The following LRBA variants were observed in gnomAD, a reference collection of about 807,000 sequenced individuals.
LRBA encodes LPS responsive beige-like anchor protein.
A neutral mutation model predicts 330.0 loss-of-function variants in LRBA; 176 were observed. That is an observed-to-expected ratio of 0.53 (90% CI 0.47 to 0.60). The LOEUF (loss-of-function observed/expected upper bound fraction) is 0.60. Ranked by LOEUF, LRBA falls within the 20% of genes least tolerant of loss-of-function variation. The pLI, the probability that LRBA is intolerant of heterozygous loss-of-function variation, is 0.00. For missense variants in LRBA, 3,259 were observed against 3,444.8 expected, an observed-to-expected ratio of 0.95 and a Z score of 1.35; for synonymous variants, 1,230 against 1,193.0, an observed-to-expected ratio of 1.03 and a Z score of -0.64.
At chr4:150,721,667 T>G (rs1728954195) in intron 36 of LRBA, among the ~76,000 whole-genome samples, 1 of 152,166 alleles carries the variant, frequency 6.6e-6, no homozygotes, top group Non-Finnish European at 1.5e-5. Context: ...CAGGCTGGAG[T>G]GCAGTGGCAC....
At chr4:150,274,718 A>C (rs1560947167) in intron 56 of LRBA, among the ~76,000 whole-genome samples, 1 of 152,230 alleles carries the variant, frequency 6.6e-6, no homozygotes, top group African/African-American at 2.4e-5. Context: ...ATTCTTGGGC[A>C]CATACACCCT....
At chr4:150,786,428 G>A (rs976229136) in intron 34 of LRBA, among the ~76,000 whole-genome samples, 1 of 151,944 alleles carries the variant, frequency 6.6e-6, no homozygotes, top group African/African-American at 2.4e-5. Context: ...ATTTTTAGTA[G>A]AGACGGGGTT....
chr4:150,662,288 T>C (rs956619221), intron 37 of LRBA, among the ~76,000 whole-genome samples: 10 of 152,212 alleles, frequency 6.6e-5, no homozygotes, highest in African/African-American at 2.4e-4. Flanking sequence ...ACTATAGCAT[T>C]TGCTATTCGC....
At chr4:150,474,965 A>T (rs1756551802) in intron 42 of LRBA, among the ~76,000 whole-genome samples, 1 of 152,132 alleles carries the variant, frequency 6.6e-6, no homozygotes, top group Non-Finnish European at 1.5e-5. Context: ...AAATTTCTTT[A>T]GTTGAAAGTT....
chr4:150,838,252 T>A (rs1327440440), intron 28 of LRBA, among the ~76,000 whole-genome samples: 1 of 152,216 alleles, frequency 6.6e-6, no homozygotes, highest in East Asian at 1.9e-4. Flanking sequence ...CTTTGGTGAA[T>A]TTCACAATTA....
chr4:150,797,829 T>C (rs182590208), intron 34 of LRBA, among the ~76,000 whole-genome samples: 2 of 152,244 alleles, frequency 1.3e-5, no homozygotes, highest in Admixed American at 1.3e-4. Flanking sequence ...ATCAAGATCA[T>C]TTGATCTGGA....
chr4:150,478,996 C>T (rs530356083), intron 42 of LRBA, among the ~76,000 whole-genome samples: 2 of 152,190 alleles, frequency 1.3e-5, no homozygotes, highest in African/African-American at 4.8e-5. Flanking sequence ...TAAATTAAGA[C>T]TTATAGGCTG....
chr4:150,685,361 T>C (rs1481813943), intron 36 of LRBA, among the ~76,000 whole-genome samples: 2 of 126,296 alleles, frequency 1.6e-5, no homozygotes, highest in African/African-American at 5.9e-5. Flanking sequence ...CTTTGCATGG[T>C]GTATATGTAC....
intron 34 of LRBA, among the ~76,000 whole-genome samples, chr4:150,777,459 G>A (rs1382548734): frequency 6.6e-6 from 1 of 152,002 alleles, no homozygotes; most frequent in Non-Finnish European, 1.5e-5. Context: ...AAAATTTAAA[G>A]GTTTAGGTTC....
intron 37 of LRBA, among the ~76,000 whole-genome samples, chr4:150,630,085 A>G (rs1000419474): frequency 5.3e-5 from 8 of 152,184 alleles, no homozygotes; most frequent in African/African-American, 1.4e-4. Context: ...CAAAGCCTGT[A>G]TATCATCTTT....
intron 47 of LRBA, among the ~76,000 whole-genome samples, chr4:150,379,295 C>A (rs908503957): frequency 1.1e-5 from 1 of 95,106 alleles, no homozygotes; most frequent in Non-Finnish European, 2.0e-5. Flanking sequence ...AAGAGGGAAA[C>A]TCTAGCTCAA....
chr4:150,695,055 T>C (rs1404905037), intron 36 of LRBA, among the ~76,000 whole-genome samples: 1 of 152,186 alleles, frequency 6.6e-6, no homozygotes, highest in African/African-American at 2.4e-5. Flanking sequence ...AGAGTACTTA[T>C]TAACAATAAA....
chr4:150,510,761 C>A (rs562916299), intron 40 of LRBA, among the ~76,000 whole-genome samples: 3 of 152,270 alleles, frequency 2.0e-5, no homozygotes, highest in Admixed American at 2.0e-4. Flanking sequence ...TATTAGAGGT[C>A]AGTTTTAGAC....
chr4:150,764,826 C>A (rs1398106161), intron 34 of LRBA, among the ~76,000 whole-genome samples: 1 of 151,912 alleles, frequency 6.6e-6, no homozygotes, highest in Non-Finnish European at 1.5e-5. Flanking sequence ...GGTGGGAATG[C>A]AAAATGATAC....
Position 150,588,096 on chromosome 4 carries a change from A to C in LRBA, c.6282T>G (p.Tyr2094Ter), listed in dbSNP as rs1457539085. 3 of 1,612,904 alleles carry C rather than the reference A, an allele frequency of 1.9e-6. No individual in the cohort carries two copies. Among genetic ancestry groups the C allele is most frequent in the Middle Eastern group, 1.7e-4 (1 of 6,056 alleles). The change falls in exon 40 of 57, where the codon TAT becomes TAG. Residue 2094 changes from tyrosine (Y) to a stop codon, truncating the protein, a stop_gained. Coordinates refer to ENST00000651943, the MANE Select transcript of LRBA (RefSeq NM_001364905.1). LOFTEE classifies it high-confidence loss of function. ...GTLSVTSSEL[Y>*]FEVDEEDPNF... ...TAGGATCCTCTTCATCCACCTCAAA[A>C]TAGAGTTCGGAGGAGGTGACAGAAA...
chr4:150,677,314 A>G (rs1782642849), intron 37 of LRBA, among the ~76,000 whole-genome samples: 1 of 152,248 alleles, frequency 6.6e-6, no homozygotes. Context: ...ATAGGAGGAA[A>G]GAATATCAAG....
At chr4:150,859,214 A>G (rs932656177) in intron 22 of LRBA, among the ~76,000 whole-genome samples, 2 of 152,216 alleles carry the variant, frequency 1.3e-5, no homozygotes, top group African/African-American at 4.8e-5. Context: ...TTATACTTTT[A>G]ACTCTAACAT....
At chr4:150,954,788 T>TA (rs1288723316) in intron 2 of LRBA, among the ~76,000 whole-genome samples, 504 of 21,866 alleles carry the variant, frequency 0.023, 14 homozygotes, top group African/African-American at 0.085. Flanking sequence ...TTTTAAAAAT[T>TA]AAAAAAAAAA....
At chr4:150,536,111 T>A (rs1254124408) in intron 40 of LRBA, among the ~76,000 whole-genome samples, 3 of 152,136 alleles carry the variant, frequency 2.0e-5, no homozygotes, top group African/African-American at 7.2e-5. Flanking sequence ...ACAAATGCAC[T>A]GGTCTCCTCA....
Sources: allele counts gnomAD v4.1 joint callset (sites outside exome capture counted in the v4.1 genomes callset), GRCh38; gene constraint gnomAD v4.1.1; transcripts MANE v1.5; gene names NCBI Gene and HGNC (gene_info 2026-07-23, HGNC 2026-07-21).